The following ANKRD35 variants were observed in gnomAD, a reference collection of about 807,000 sequenced individuals.
The protein encoded by ANKRD35 is ankyrin repeat domain-containing protein 35.
Under a neutral mutation model 109.9 loss-of-function variants are expected in ANKRD35, and 102 were observed. The ratio of observed to expected loss-of-function variants is 0.93; its 90% CI spans 0.79 to 1.09. ANKRD35 has a LOEUF of 1.09. Ranked by LOEUF, ANKRD35 falls within the 50% of genes least tolerant of loss-of-function variation. The pLI, the probability that ANKRD35 is intolerant of heterozygous loss-of-function variation, is 0.00. For synonymous variants in ANKRD35, 515 were observed against 512.4 expected (o/e 1.01, Z -0.07); for missense variants, 1,240 against 1,230.1 (o/e 1.01, Z -0.12).
chr1:145,881,680 G>A (rs976257419), intron 1 of ANKRD35, among the ~76,000 whole-genome samples: 3 of 152,262 alleles, frequency 2.0e-5, no homozygotes, highest in South Asian at 2.1e-4. Context: ...CTCTAACACT[G>A]TCTGCCTCTG....
intron 7 of ANKRD35, 104 bp downstream of exon 7, chr1:145,876,036 T>G: frequency 9.7e-7 from 1 of 1,028,648 alleles, no homozygotes; most frequent in Admixed American, 2.2e-5. Context: ...CAACCTGACT[T>G]CTTCCCCAAC....
intron 2 of ANKRD35, 46 bp downstream of exon 2, chr1:145,879,211 CA>C (rs1553740659): frequency 1.3e-6 from 2 of 1,518,082 alleles, no homozygotes; most frequent in Admixed American, 2.0e-5. Flanking sequence ...TTGGGGGCTT[CA>C]AAAGGGAGCC....
Position 145,873,713 on chromosome 1 carries a change from G to T in ANKRD35, c.1056C>A (p.Pro352=). The T allele has an allele frequency of 6.2e-7, 1 of 1,613,960 alleles. No individual in the cohort carries two copies. The highest frequency in any genetic ancestry group is 8.5e-7 in the Non-Finnish European group (1 of 1,179,924). The change falls in exon 10 of 14, where the codon CCC becomes CCA. Residue 352 remains proline, a synonymous_variant. Coordinates refer to ENST00000355594, the MANE Select transcript of ANKRD35 (RefSeq NM_144698.5). Reference sequence around the variant, plus strand: ...TAGAGCCTTGCTTTCCTGAAGCTCTGGGCTCCCAGGATAGGAGGACCCCTA... The same window carrying T: ...TAGAGCCTTGCTTTCCTGAAGCTCTTGGCTCCCAGGATAGGAGGACCCCTA... The part of the protein sequence containing the change: ...QELGVLLSWE[P]RASGKQGSSL...
chr1:145,884,638 G>GT (rs369941628), intron 1 of ANKRD35, among the ~76,000 whole-genome samples: 176 of 147,384 alleles, frequency 1.2e-3, no homozygotes, highest in Admixed American at 2.0e-3. Flanking sequence ...ATAATCTTAT[G>GT]TTTTTTTTTT....
At position 145,867,332 on chromosome 1, in the gene ANKRD35, A is replaced by T; in HGVS notation, c.3004T>A (p.Ter1002ArgextTer77). 1.9e-6 allele frequency: 3 copies of T among 1,613,240 alleles called. No individual in the cohort carries two copies. Among genetic ancestry groups the T allele is most frequent in the Non-Finnish European group, 2.5e-6 (3 of 1,179,684 alleles). The change falls in exon 13 of 14, where the codon TGA becomes AGA. Residue 1002 changes from the stop codon to arginine (R), a stop_lost. Transcript: ENST00000355594. ...LLQILSMEEE[*>R] ...TGAGGGCACACAGTGAGGCTGCCTC[A>T]CTCCTCTTCCATGCTAAGGATTTGC... is the stretch of plus-strand genomic sequence containing the variant.
At chr1:145,883,813 C>A (rs1421279694) in intron 1 of ANKRD35, among the ~76,000 whole-genome samples, 1 of 152,232 alleles carries the variant, frequency 6.6e-6, no homozygotes, top group African/African-American at 2.4e-5. Flanking sequence ...AGGAACCAAT[C>A]TGCAGCTGAA....
intron 1 of ANKRD35, 34 bp downstream of exon 1, chr1:145,885,686 C>T: frequency 6.2e-7 from 1 of 1,611,650 alleles, no homozygotes; most frequent in Non-Finnish European, 8.5e-7. Flanking sequence ...AGCTGGGATC[C>T]CAACCCCATC....
In ANKRD35 at chr1:145,868,211, A is replaced by C. The variant is rs1426720990; in HGVS notation, c.2877+100T>G. On this transcript the variant is annotated intron_variant, in intron 11 of 13. Coordinates refer to ENST00000355594, the MANE Select transcript of ANKRD35 (RefSeq NM_144698.5). Reference sequence around the variant, plus strand: ...GCCTAGCCAGGCCTCTGTAATTCCTAGAATGTCTCCCTCAGTAATTCCTAG... The same window carrying C: ...GCCTAGCCAGGCCTCTGTAATTCCTCGAATGTCTCCCTCAGTAATTCCTAG... 5 of 1,502,608 alleles carry C rather than the reference A, an allele frequency of 3.3e-6. No individual in the cohort carries two copies. The African/African-American group carries it at 4.1e-5, about 12-fold the overall frequency. 93.1% of individuals were successfully genotyped at this position (1,502,608 alleles called of 1,614,324 possible).
chr1:145,871,481 C>T (rs1653817817), intron 10 of ANKRD35, among the ~76,000 whole-genome samples: 1 of 152,012 alleles, frequency 6.6e-6, no homozygotes, highest in Admixed American at 6.6e-5. Context: ...TTTTTCTTTG[C>T]ATTGGTGCCC....
chr1:145,875,287 A>C (rs1654026153), intron 7 of ANKRD35, among the ~76,000 whole-genome samples: 1 of 151,712 alleles, frequency 6.6e-6, no homozygotes, highest in Non-Finnish European at 1.5e-5. Flanking sequence ...CTGGGATTAC[A>C]GGCATGCACC....
intron 10 of ANKRD35, 101 bp from the exon 11 acceptor site, chr1:145,868,501 T>C (rs1049297366): frequency 2.3e-5 from 21 of 926,716 alleles, no homozygotes; most frequent in Non-Finnish European, 3.2e-5. Context: ...TATGTGCCAA[T>C]TTTATACAAA....
intron 1 of ANKRD35, among the ~76,000 whole-genome samples, chr1:145,881,056 C>T (rs943084899): frequency 1.3e-5 from 2 of 152,166 alleles, no homozygotes; most frequent in Admixed American, 6.5e-5. Context: ...GAGGCCAAGA[C>T]GGGTGGATCA....
rs1050517029 is a variant in ANKRD35 at position 145,879,842 on chromosome 1, T to C, written c.40-454A>G. Among the ~76,000 whole-genome samples the C allele has an allele frequency of 4.7e-5, 7 of 150,292 alleles. No homozygotes were observed. The East Asian group carries it at 1.4e-3, about 30-fold the overall frequency. ...CTCCACCCCTGAAACCCTGCTGCTC[T>C]GCTTTTTGTTGTCAGTTGTTTGAGA... On this transcript the variant is annotated intron_variant, in intron 1 of 13. Coordinates refer to ENST00000355594, the MANE Select transcript of ANKRD35 (RefSeq NM_144698.5).
At chr1:145,875,850 G>A (rs901629347) in intron 7 of ANKRD35, among the ~76,000 whole-genome samples, 35 of 151,940 alleles carry the variant, frequency 2.3e-4, no homozygotes, top group Admixed American at 1.8e-3. Flanking sequence ...TTTTTTATTG[G>A]AAAAAAGGAT....
At chr1:145,870,216 C>T (rs1158234996) in intron 10 of ANKRD35, among the ~76,000 whole-genome samples, 2 of 151,512 alleles carry the variant, frequency 1.3e-5, no homozygotes, top group South Asian at 2.1e-4. Context: ...TCAGCCTCTC[C>T]GAGTAGCTGG....
intron 12 of ANKRD35, 114 bp from the exon 13 acceptor site, chr1:145,867,506 A>T: frequency 1.2e-6 from 1 of 819,670 alleles, no homozygotes; most frequent in Non-Finnish European, 2.0e-6. Flanking sequence ...ATATACCTTC[A>T]CTTATAGTAT....
In ANKRD35 at chr1:145,879,291, C is replaced by T. The variant is rs587648258; in HGVS notation, c.137G>A (p.Arg46Gln). 3.8e-5 allele frequency: 61 copies of T among 1,611,242 alleles called. No individual in the cohort carries two copies. In the East Asian group the frequency reaches 5.2e-4, roughly 14 times the overall value. ...GCCATTCGAGTCAAGCTTGGTGGGT[C>T]GGGCAGATTTCCTGGAGGCCAGGGC... ...VAALASRKSARPTKLDSNGQS... is the reference protein window; with the variant it reads ...VAALASRKSAQPTKLDSNGQS... The change falls in exon 2 of 14, where the codon CGA becomes CAA. Residue 46 changes from arginine to glutamine, a missense_variant. Transcript: ENST00000355594.
Position 145,873,142 on chromosome 1 carries a change from G to T in ANKRD35, c.1627C>A (p.Arg543=). 1 of 1,614,022 alleles carries T rather than the reference G, an allele frequency of 6.2e-7. No homozygotes were observed. The highest frequency in any genetic ancestry group is 8.5e-7 in the Non-Finnish European group (1 of 1,180,002). The stretch of plus-strand genomic sequence containing the variant: ...GCCCATTCCAGCCTTGCCAGCACCC[G>T]CTCCAGTCGGGCTTCCATCTTCTCC... ...AWEKMEARLE[R]VLARLEWAKA... is the part of the protein sequence containing the mutation. Residue 543 remains arginine (R), a synonymous_variant, in exon 10 of 14, where the codon CGG becomes AGG. Coordinates refer to ENST00000355594, the MANE Select transcript of ANKRD35 (RefSeq NM_144698.5).
chr1:145,869,770 G>A (rs1259134816), intron 10 of ANKRD35, among the ~76,000 whole-genome samples: 3 of 151,966 alleles, frequency 2.0e-5, no homozygotes, highest in African/African-American at 4.8e-5. Flanking sequence ...TGCTCCGCCT[G>A]AGGGAAGTAT....
Sources: allele counts gnomAD v4.1 joint callset (sites outside exome capture counted in the v4.1 genomes callset), GRCh38; gene constraint gnomAD v4.1.1; transcripts MANE v1.5; gene names NCBI Gene and HGNC (gene_info 2026-07-23, HGNC 2026-07-21).